The following EDIL3 variants were observed in gnomAD, a reference collection of about 807,000 sequenced individuals.
The protein encoded by EDIL3 is EGF like and discoidin domains 3.
A neutral mutation model predicts 67.4 loss-of-function variants in EDIL3; 37 were observed. The observed-to-expected ratio is 0.55, with a 90% CI of 0.42 to 0.72. The LOEUF is 0.72. EDIL3 is among the 30% of genes least tolerant of loss of function. EDIL3 has a pLI of 0.00. For synonymous variants in EDIL3, 195 were observed against 196.3 expected, an observed-to-expected ratio of 0.99 and a Z score of 0.05; for missense variants, 527 against 586.3, an observed-to-expected ratio of 0.90 and a Z score of 1.04.
intron 9 of EDIL3, among the ~76,000 whole-genome samples, chr5:83,995,193 G>A (rs1349663818): frequency 7.0e-6 from 1 of 143,088 alleles, no homozygotes; most frequent in Admixed American, 7.0e-5. Flanking sequence ...TTTTATTCTA[G>A]AGACAACACT....
chr5:84,366,064 G>A (rs775376278), intron 1 of EDIL3, among the ~76,000 whole-genome samples: 14 of 151,838 alleles, frequency 9.2e-5, no homozygotes, highest in Non-Finnish European at 1.6e-4. Flanking sequence ...ACACCAACAT[G>A]CCAGAAAGTT....
intron 1 of EDIL3, among the ~76,000 whole-genome samples, chr5:84,320,080 A>G (rs1244729378): frequency 6.6e-6 from 1 of 152,060 alleles, no homozygotes; most frequent in Non-Finnish European, 1.5e-5. Flanking sequence ...CAGCAAACCA[A>G]CATGGCACAT....
At chr5:84,342,745 CTT>C (rs1747141913) in intron 1 of EDIL3, among the ~76,000 whole-genome samples, 1 of 151,894 alleles carries the variant, frequency 6.6e-6, no homozygotes, top group South Asian at 2.1e-4. Flanking sequence ...ATCCATAAAA[CTT>C]ATGGTTTTCT....
At chr5:84,361,429 CTTAT>C (rs773461145) in intron 1 of EDIL3, among the ~76,000 whole-genome samples, 8 of 152,094 alleles carry the variant, frequency 5.3e-5, no homozygotes, top group Admixed American at 3.3e-4. Context: ...AGAAGAGGCA[CTTAT>C]TTATGCAAAA....
chr5:84,308,532 A>G (rs1746317605), intron 1 of EDIL3, among the ~76,000 whole-genome samples: 1 of 152,206 alleles, frequency 6.6e-6, no homozygotes, highest in African/African-American at 2.4e-5. Context: ...GGTACATGCT[A>G]TCTATTGTAT....
intron 1 of EDIL3, among the ~76,000 whole-genome samples, chr5:84,344,663 G>A (rs1747201016): frequency 6.6e-6 from 1 of 151,972 alleles, no homozygotes; most frequent in South Asian, 2.1e-4. Flanking sequence ...TGTCATTAAT[G>A]TTTTTATACT....
chr5:84,261,116 C>T (rs939444408), intron 1 of EDIL3, among the ~76,000 whole-genome samples: 7 of 152,058 alleles, frequency 4.6e-5, no homozygotes, highest in African/African-American at 1.2e-4. Flanking sequence ...ATTGTAGAAG[C>T]GAGAGTTTTG....
intron 9 of EDIL3, among the ~76,000 whole-genome samples, chr5:84,011,304 C>T (rs559127277): frequency 6.6e-6 from 1 of 152,144 alleles, no homozygotes; most frequent in Non-Finnish European, 1.5e-5. Flanking sequence ...TTTCTCCTGG[C>T]CCTCAAAGCC....
Position 84,098,533 on chromosome 5 carries a change from G to T in EDIL3, c.651+8116C>A, listed in dbSNP as rs1218782418. On this transcript the variant is annotated intron_variant, in intron 6 of 10. Transcript: ENST00000296591. ...ATAACTTAGAAAATATGTTATTAAAGAATGCATTAACAAAATATATATATT... is the reference window on the plus strand; with the variant it reads ...ATAACTTAGAAAATATGTTATTAAATAATGCATTAACAAAATATATATATT... 3.7e-5 allele frequency among the ~76,000 whole-genome samples: 4 copies of T among 107,338 alleles called. No individual in the cohort carries two copies. The East Asian group carries it at 1.1e-3, about 30-fold the overall frequency. 70.4% of individuals were successfully genotyped at this position (107,338 alleles called of 152,430 possible).
intron 1 of EDIL3, among the ~76,000 whole-genome samples, chr5:84,367,978 A>G (rs1747774744): frequency 6.6e-6 from 1 of 152,202 alleles, no homozygotes; most frequent in African/African-American, 2.4e-5. Flanking sequence ...TATAAGGTGA[A>G]TGGATTCCCA....
chr5:84,216,969 C>T (rs770849701), intron 3 of EDIL3, among the ~76,000 whole-genome samples: 7 of 152,094 alleles, frequency 4.6e-5, no homozygotes, highest in Non-Finnish European at 8.8e-5. Context: ...AGCTAGTTAT[C>T]GCAAGACAAA....
chr5:84,071,984 A>G (rs17530329), intron 6 of EDIL3, among the ~76,000 whole-genome samples: 27,607 of 152,060 alleles, frequency 0.18, 2,923 homozygotes, highest in Admixed American at 0.24. Flanking sequence ...AATAATTGGG[A>G]CAATTTGATA....
chr5:84,212,972 AT>A (rs1383691348), intron 3 of EDIL3, among the ~76,000 whole-genome samples: 1 of 151,254 alleles, frequency 6.6e-6, no homozygotes, highest in East Asian at 1.9e-4. Flanking sequence ...CACTAGAGTC[AT>A]TTGGTGAAAC....
At chr5:84,140,233 G>T (rs1486702821) in intron 4 of EDIL3, among the ~76,000 whole-genome samples, 5 of 152,056 alleles carry the variant, frequency 3.3e-5, no homozygotes, top group African/African-American at 1.2e-4. Context: ...CATGTAAGAG[G>T]CTCTATATAT....
intron 1 of EDIL3, among the ~76,000 whole-genome samples, chr5:84,292,012 T>C (rs1412174736): frequency 6.6e-6 from 1 of 151,860 alleles, no homozygotes; most frequent in Non-Finnish European, 1.5e-5. Flanking sequence ...CAGTGCTACA[T>C]CTCTACTGCC....
At chr5:84,334,272 C>G (rs1746940482) in intron 1 of EDIL3, among the ~76,000 whole-genome samples, 1 of 152,042 alleles carries the variant, frequency 6.6e-6, no homozygotes, top group Non-Finnish European at 1.5e-5. Context: ...CCATGTTGGG[C>G]AGGCTGGTCT....
chr5:84,351,436 T>C (rs1308991020), intron 1 of EDIL3, among the ~76,000 whole-genome samples: 2 of 152,146 alleles, frequency 1.3e-5, no homozygotes, highest in Non-Finnish European at 1.5e-5. Context: ...AGGAAATACA[T>C]AGTCCAAGCA....
At chr5:84,179,054 A>G (rs1195698162) in intron 4 of EDIL3, among the ~76,000 whole-genome samples, 1 of 152,180 alleles carries the variant, frequency 6.6e-6, no homozygotes, top group Non-Finnish European at 1.5e-5. Context: ...TGAATATAGT[A>G]TGAAGCTATG....
rs1171158576 is a variant in EDIL3, at chr5:84,384,488, A to G, written c.-114T>C. ...CTCCGCCCCTACTAAAGAATTCAAG[A>G]AGACGTTCTCTTTCCTCAGCGCTTT... On this transcript the variant is annotated 5_prime_UTR_variant, in exon 1 of 11. Coordinates refer to ENST00000296591, the MANE Select transcript of EDIL3 (RefSeq NM_005711.5). The G allele has an allele frequency of 4.1e-6, 4 of 984,600 alleles. No individual in the cohort carries two copies. Among genetic ancestry groups the G allele is most frequent in the South Asian group, 1.5e-5 (1 of 68,374 alleles). 61.0% of individuals were successfully genotyped at this position (984,600 alleles called of 1,614,324 possible). A position where few individuals can be genotyped will look rare whatever the true frequency, so the allele number is the denominator to read the frequency against.
Sources: allele counts gnomAD v4.1 joint callset (sites outside exome capture counted in the v4.1 genomes callset), GRCh38; gene constraint gnomAD v4.1.1; transcripts MANE v1.5; gene names NCBI Gene and HGNC (gene_info 2026-07-23, HGNC 2026-07-21).